Variants in PIWIL4 observed in about 807,000 individuals in gnomAD.
PIWIL4 encodes the protein piwi-like protein 4.
Under a neutral mutation model 100.9 loss-of-function variants are expected in PIWIL4, and 50 were observed. The ratio of observed to expected loss-of-function variants is 0.50; its 90% CI spans 0.39 to 0.63. The LOEUF (loss-of-function observed/expected upper bound fraction) is 0.63, where lower values mean the gene tolerates loss of function less well. PIWIL4 is among the 20% of genes least tolerant of loss of function. The probability of loss-of-function intolerance (pLI) is 0.00; values close to 1 mark genes in which losing one functional copy is unlikely to be tolerated. For missense variants in PIWIL4, 887 were observed against 1,043.3 expected, an observed-to-expected ratio of 0.85 and a Z score of 2.06; for synonymous variants, 342 against 367.5, an observed-to-expected ratio of 0.93 and a Z score of 0.79.
Position 94,617,991 on chromosome 11 carries a change from G to A in PIWIL4, c.2052G>A (p.Leu684=). The change falls in exon 17 of 20, where the codon TTG becomes TTA. Residue 684 remains leucine, a synonymous_variant. Coordinates refer to ENST00000299001, the MANE Select transcript of PIWIL4 (RefSeq NM_152431.3). ...LNKWYKYNHD[L]PARIIVYRAG... is the part of the protein sequence containing the mutation. ...AATGGTACAAGTACAATCATGATTT[G>A]CCAGCACGGATAATTGTGTACCGTG... The A allele has an allele frequency of 1.2e-6, 2 of 1,613,750 alleles. No individual in the cohort carries two copies. Among genetic ancestry groups the A allele is most frequent in the Non-Finnish European group, 1.7e-6 (2 of 1,179,798 alleles).
Position 94,607,631 on chromosome 11 carries a change from G to A in PIWIL4, c.1831G>A (p.Glu611Lys). The A allele has an allele frequency of 6.2e-7, 1 of 1,613,934 alleles. No individual in the cohort carries two copies. Residue 611 changes from glutamate to lysine, a missense_variant, in exon 14 of 20, where the codon GAA (glutamate) becomes AAA (lysine). This residue lies in a region of PIWIL4 where 741 missense variants were observed against 930.0 expected (regional missense o/e 0.80). Transcript: ENST00000299001. ...GCTCGGAGGCGAGCTGTGGGCTGTG[G>A]AAATACCTGTAAGGACCCTGTCACA... Reference protein sequence around the residue: ...CKLGGELWAVEIPLKSLMVVG... With the variant: ...CKLGGELWAVKIPLKSLMVVG...
At chr11:94,598,040 T>A (rs1156643750) in intron 11 of PIWIL4, 125 bp downstream of exon 11, 10 of 671,576 alleles carry the variant, frequency 1.5e-5, no homozygotes, top group Non-Finnish European at 2.5e-5. Context: ...CATCTCTTTA[T>A]CCTAAGACTT....
chr11:94,620,535 G>T (rs907634082), intron 19 of PIWIL4, among the ~76,000 whole-genome samples: 3 of 152,142 alleles, frequency 2.0e-5, no homozygotes, highest in African/African-American at 7.2e-5. Context: ...CTTTGTTCCT[G>T]TGCATTAGGC....
intron 3 of PIWIL4, among the ~76,000 whole-genome samples, chr11:94,576,505 T>C (rs1591776788): frequency 6.6e-6 from 1 of 152,318 alleles, no homozygotes; most frequent in East Asian, 1.9e-4. Context: ...GAACCTCCTT[T>C]GTACCCTCCT....
chr11:94,593,031 C>T (rs1364233137), intron 8 of PIWIL4, among the ~76,000 whole-genome samples: 1 of 152,200 alleles, frequency 6.6e-6, no homozygotes, highest in African/African-American at 2.4e-5. Context: ...TAACATCCTA[C>T]TATCCTAGAA....
intron 3 of PIWIL4, among the ~76,000 whole-genome samples, chr11:94,575,971 C>T (rs978971834): frequency 1.3e-5 from 2 of 152,130 alleles, no homozygotes; most frequent in African/African-American, 2.4e-5. Flanking sequence ...TGTTATTTAA[C>T]TAAAATAGCA....
At chr11:94,587,345 A>T (rs1423979282) in intron 7 of PIWIL4, 98 bp downstream of exon 7, 3 of 1,226,684 alleles carry the variant, frequency 2.4e-6, no homozygotes, top group Non-Finnish European at 3.4e-6. Flanking sequence ...AATATCACAG[A>T]TCTAATCCAT....
At chr11:94,567,903 C>A in intron 1 of PIWIL4, 2 of 849,836 alleles carry the variant, frequency 2.4e-6, no homozygotes, top group South Asian at 5.4e-5. Context: ...TTTAAATTGC[C>A]TTGTAAAAAG....
At chr11:94,577,633 A>T in intron 4 of PIWIL4, 141 bp downstream of exon 4, 1 of 740,276 alleles carries the variant, frequency 1.4e-6, no homozygotes, top group Non-Finnish European at 2.0e-6. Flanking sequence ...AATTTAAAAA[A>T]CTACCTTTAT....
At chr11:94,594,251 G>C (rs953424386) in intron 9 of PIWIL4, among the ~76,000 whole-genome samples, 4 of 152,034 alleles carry the variant, frequency 2.6e-5, no homozygotes, top group African/African-American at 9.7e-5. Context: ...CGGATCACCT[G>C]AAGTCAGGAG....
At chr11:94,587,777 T>G (rs958674267) in intron 7 of PIWIL4, among the ~76,000 whole-genome samples, 15 of 152,236 alleles carry the variant, frequency 9.9e-5, no homozygotes, top group African/African-American at 3.6e-4. Flanking sequence ...CCTTCTTTAT[T>G]AGATTCAGGA....
rs774856216 is a variant in PIWIL4, at chr11:94,585,472, A to G, written c.663A>G (p.Gln221=). The change falls in exon 6 of 20, where the codon CAA becomes CAG. Residue 221 remains glutamine (Q), a synonymous_variant. Coordinates refer to ENST00000299001, the MANE Select transcript of PIWIL4 (RefSeq NM_152431.3). ...TCCTCAAAAAGTTGTCCATGTACCA[A>G]ATTGGACGGAACTTCTATAATCCTT... ...RKILKKLSMY[Q]IGRNFYNPSE... 2.5e-6 allele frequency: 4 copies of G among 1,610,448 alleles called. No individual in the cohort carries two copies. The highest frequency in any genetic ancestry group is 1.1e-5 in the South Asian group (1 of 89,768).
chr11:94,604,887 A>T lies in PIWIL4; in HGVS notation c.1638+831A>T, dbSNP rs141499203. 3.2e-4 allele frequency among the ~76,000 whole-genome samples: 48 copies of T among 152,282 alleles called. No homozygotes were observed. In the East Asian group the frequency reaches 8.3e-3, roughly 26 times the overall value. On this transcript the variant is annotated intron_variant, in intron 13 of 19. Coordinates refer to ENST00000299001, the MANE Select transcript of PIWIL4 (RefSeq NM_152431.3). ...GTGAGTTTCTCTTTTACTCTAAAGG[A>T]TCTTATATGAAACAGAGAATTCTCA...
chr11:94,588,913 A>C (rs558988670), intron 7 of PIWIL4, among the ~76,000 whole-genome samples: 2 of 152,360 alleles, frequency 1.3e-5, no homozygotes, highest in South Asian at 2.1e-4. Flanking sequence ...GAATGTGGAC[A>C]GAAGTCTTCC....
At chr11:94,587,371 G>A (rs1948415576) in intron 7 of PIWIL4, 124 bp downstream of exon 7, 1 of 1,046,802 alleles carries the variant, frequency 9.6e-7, no homozygotes, top group East Asian at 2.6e-5. Flanking sequence ...CATCTGTTTA[G>A]AAGACCTGGT....
chr11:94,595,247 C>A (rs984040674), intron 9 of PIWIL4, 62 bp from the exon 10 acceptor site: 6 of 1,374,268 alleles, frequency 4.4e-6, no homozygotes, highest in South Asian at 3.6e-5. Flanking sequence ...TTAAACTGGG[C>A]CTTTGATGGG....
At chr11:94,600,144 G>A (rs1367131889) in intron 11 of PIWIL4, among the ~76,000 whole-genome samples, 11 of 152,122 alleles carry the variant, frequency 7.2e-5, no homozygotes, top group African/African-American at 2.4e-4. Context: ...CCTCTTCAGC[G>A]CAGGAAACCT....
At chr11:94,567,720 CT>C in intron 1 of PIWIL4, 115 bp downstream of exon 1, 1 of 1,303,980 alleles carries the variant, frequency 7.7e-7, no homozygotes, top group Non-Finnish European at 9.8e-7. Context: ...AGTGCGTTAT[CT>C]TTTCTCTCAA....
At chr11:94,608,167 C>T in intron 14 of PIWIL4, 1 of 179,746 alleles carries the variant, frequency 5.6e-6, no homozygotes, top group South Asian at 1.3e-4. Context: ...GCCTCCCTCT[C>T]TCCCACTCCC....
Sources: gnomAD v4.1 joint callset for allele counts (sites outside exome capture counted in the v4.1 genomes callset) on GRCh38, gnomAD v4.1.1 for gene constraint, gnomAD v4.1.1 regional missense constraint, MANE v1.5 for transcripts, NCBI Gene and HGNC (gene_info 2026-07-23, HGNC 2026-07-21) for gene names.